Variants in MYT1L observed in about 807,000 individuals in gnomAD.
The protein encoded by MYT1L is myelin transcription factor 1 like, also known as myelin transcription factor 1-like protein.
A neutral mutation model predicts 126.7 loss-of-function variants in MYT1L; 12 were observed. The ratio of observed to expected loss-of-function variants is 0.09; its 90% CI spans 0.06 to 0.15. The LOEUF (loss-of-function observed/expected upper bound fraction) is 0.15. MYT1L is among the 10% of genes least tolerant of loss of function. The pLI is 1.00. For synonymous variants in MYT1L, 541 were observed against 604.2 expected (o/e 0.90, Z 1.53); for missense variants, 979 against 1,585.2 (o/e 0.62, Z 6.49).
At position 1,996,521 on chromosome 2, in the gene MYT1L, T is replaced by C. The variant is rs1224728054; in HGVS notation, c.-1+670A>G. On this transcript the variant is annotated intron_variant, in intron 5 of 24. Coordinates refer to ENST00000647738, the MANE Select transcript of MYT1L (RefSeq NM_001303052.2). ...AGACGGGCCGCCTTTACCTAGTGAG[T>C]GAGGGCCGCCCTGCCTCAGTGTGGG... Among the ~76,000 whole-genome samples, 94 of 116,696 alleles carry C rather than the reference T, an allele frequency of 8.1e-4. No individual in the cohort carries two copies. The Middle Eastern group carries it at 0.028, about 34-fold the overall frequency. 76.6% of individuals were successfully genotyped at this position (116,696 alleles called of 152,430 possible). A position where few individuals can be genotyped will look rare whatever the true frequency, so the allele number is the denominator to read the frequency against.
chr2:2,011,305 T>A lies in MYT1L; in HGVS notation c.-157-13958A>T, dbSNP rs1026275355. On this transcript the variant is annotated intron_variant, in intron 4 of 24. Transcript: ENST00000647738. ...ACCATGTTAGGCTGAGGCAGGAGAA[T>A]CACTTGAACCCGGGAGGCAGTGAGT... Among the ~76,000 whole-genome samples, 17 of 151,590 alleles carry A rather than the reference T, an allele frequency of 1.1e-4. 1 individual carries two copies. In the South Asian group the frequency reaches 1.5e-3, roughly 13 times the overall value.
chr2:2,307,464 A>G (rs1273550543), intron 1 of MYT1L, among the ~76,000 whole-genome samples: 2 of 152,168 alleles, frequency 1.3e-5, no homozygotes, highest in Non-Finnish European at 2.9e-5. Context: ...TTTTAGAGAT[A>G]GAATTGGCAG....
chr2:2,130,379 C>T (rs1380520665), intron 3 of MYT1L, among the ~76,000 whole-genome samples: 1 of 151,930 alleles, frequency 6.6e-6, no homozygotes, highest in Non-Finnish European at 1.5e-5. Context: ...TCTGGCATTA[C>T]TGATGAAAAC....
At position 1,886,590 on chromosome 2, in the gene MYT1L, AG is replaced by A; in HGVS notation, c.2659del (p.Leu887TrpfsTer53). The part of the protein sequence containing the change: ...KDLITLSGCP[L>X]ADKSIRSMLA... The stretch of plus-strand genomic sequence containing the variant: ...CATACTTCGAATGCTTTTGTCCGCC[AG>A]GGGGCAGCCAGACAGACTGTAAGAC... On this transcript the variant is annotated frameshift_variant, in exon 18 of 25. Transcript: ENST00000647738. LOFTEE classifies it high-confidence loss of function. The A allele has an allele frequency of 2.5e-6, 4 of 1,583,382 alleles. No individual in the cohort carries two copies. The highest frequency in any genetic ancestry group is 1.8e-5 in the Admixed American group (1 of 54,542).
chr2:1,997,700 C>T (rs2061989668), intron 4 of MYT1L, among the ~76,000 whole-genome samples: 1 of 152,178 alleles, frequency 6.6e-6, no homozygotes, highest in African/African-American at 2.4e-5. Flanking sequence ...CCTTATCCTC[C>T]CTCCTTCCCA....
chr2:1,878,585 G>A (rs1285581810), intron 18 of MYT1L, among the ~76,000 whole-genome samples: 1 of 152,112 alleles, frequency 6.6e-6, no homozygotes, highest in African/African-American at 2.4e-5. Context: ...ATTTAAGTTT[G>A]AATTAATGAA....
intron 9 of MYT1L, among the ~76,000 whole-genome samples, chr2:1,925,245 T>C (rs958159316): frequency 6.6e-6 from 1 of 152,172 alleles, no homozygotes; most frequent in African/African-American, 2.4e-5. Context: ...CTGAAGAATT[T>C]GGAAAAGAAG....
intron 23 of MYT1L, among the ~76,000 whole-genome samples, chr2:1,796,188 A>G (rs1009956294): frequency 9.2e-5 from 14 of 152,270 alleles, no homozygotes; most frequent in African/African-American, 3.4e-4. Flanking sequence ...GTGGTCCAGA[A>G]GCCTAAAATA....
chr2:2,154,166 G>A (rs1490886943), intron 3 of MYT1L, among the ~76,000 whole-genome samples: 1 of 152,154 alleles, frequency 6.6e-6, no homozygotes, highest in Non-Finnish European at 1.5e-5. Context: ...TTTGCACTGG[G>A]AGGGCTGATG....
At chr2:1,991,398 A>C (rs1235159990) in intron 5 of MYT1L, among the ~76,000 whole-genome samples, 1 of 152,020 alleles carries the variant, frequency 6.6e-6, no homozygotes, top group East Asian at 1.9e-4. Context: ...CCTAGACCCA[A>C]GTGGCCTTTC....
chr2:2,206,401 T>G (rs1204878387), intron 2 of MYT1L, among the ~76,000 whole-genome samples: 2 of 152,216 alleles, frequency 1.3e-5, no homozygotes, highest in African/African-American at 4.8e-5. Context: ...GAAATCCTTT[T>G]GATAAAACGT....
At chr2:1,962,696 T>C (rs539660534) in intron 8 of MYT1L, among the ~76,000 whole-genome samples, 8 of 152,340 alleles carry the variant, frequency 5.3e-5, no homozygotes, top group African/African-American at 1.9e-4. Flanking sequence ...TTATGGAATA[T>C]TCTAAATCCT....
At chr2:2,107,754 G>A (rs2078925903) in intron 3 of MYT1L, among the ~76,000 whole-genome samples, 2 of 152,260 alleles carry the variant, frequency 1.3e-5, no homozygotes, top group Admixed American at 6.5e-5. Context: ...AGAGGGAAGA[G>A]GATTCTCAGA....
intron 19 of MYT1L, among the ~76,000 whole-genome samples, chr2:1,850,534 T>C (rs1322143069): frequency 1.3e-5 from 2 of 152,132 alleles, no homozygotes; most frequent in Non-Finnish European, 2.9e-5. Flanking sequence ...TGGATTCGCC[T>C]TTGTGTGGAC....
At chr2:2,090,806 C>A (rs1232870054) in intron 3 of MYT1L, among the ~76,000 whole-genome samples, 1 of 152,146 alleles carries the variant, frequency 6.6e-6, no homozygotes, top group Non-Finnish European at 1.5e-5. Context: ...ATTCTAAATT[C>A]TTGTTGTTGA....
At chr2:2,170,337 CTT>C (rs1173663629) in intron 3 of MYT1L, among the ~76,000 whole-genome samples, 4 of 152,220 alleles carry the variant, frequency 2.6e-5, no homozygotes, top group Non-Finnish European at 5.9e-5. Flanking sequence ...GGTTGACAAA[CTT>C]AGGCCCACGG....
chr2:2,032,637 G>A (rs1361737690), intron 4 of MYT1L, among the ~76,000 whole-genome samples: 3 of 133,966 alleles, frequency 2.2e-5, no homozygotes, highest in Admixed American at 7.4e-5. Flanking sequence ...TCATCCTGTG[G>A]CCCAGAGCAG....
chr2:2,273,205 C>T (rs986609461), intron 2 of MYT1L, among the ~76,000 whole-genome samples: 12 of 152,264 alleles, frequency 7.9e-5, no homozygotes, highest in South Asian at 2.1e-4. Context: ...TATTTACTAT[C>T]GCAGGACCTT....
intron 2 of MYT1L, among the ~76,000 whole-genome samples, chr2:2,220,963 G>A (rs754572226): frequency 6.6e-6 from 1 of 152,162 alleles, no homozygotes; most frequent in African/African-American, 2.4e-5. Flanking sequence ...AGAAAAAGAA[G>A]TGAGTTTAAA....
Sources: allele counts gnomAD v4.1 joint callset (sites outside exome capture counted in the v4.1 genomes callset), GRCh38; gene constraint gnomAD v4.1.1; transcripts MANE v1.5; gene names NCBI Gene and HGNC (gene_info 2026-07-23, HGNC 2026-07-21).